CMSS1: variants seen among roughly 807,000 people sequenced by gnomAD.
The protein encoded by CMSS1 is cms1 ribosomal small subunit homolog.
In CMSS1, 33 loss-of-function variants were observed where a neutral mutation model predicts 43.5. The observed-to-expected ratio is 0.76, with a 90% CI of 0.57 to 1.01. The LOEUF is 1.01. CMSS1 is among the 50% of genes least tolerant of loss of function. The probability of loss-of-function intolerance (pLI) is 0.00; values close to 1 mark genes in which losing one functional copy is unlikely to be tolerated. For synonymous variants in CMSS1, 115 were observed against 117.2 expected (o/e 0.98, Z 0.12); for missense variants, 313 against 326.4 (o/e 0.96, Z 0.32).
intron 1 of CMSS1, among the ~76,000 whole-genome samples, chr3:99,897,876 A>G (rs1036601707): frequency 6.6e-6 from 1 of 152,228 alleles, no homozygotes; most frequent in Non-Finnish European, 1.5e-5. Flanking sequence ...GGTAAAACAA[A>G]TGACCACGAA....
At chr3:100,044,440 G>A (rs2065250006) in intron 1 of CMSS1, among the ~76,000 whole-genome samples, 1 of 152,202 alleles carries the variant, frequency 6.6e-6, no homozygotes, top group Non-Finnish European at 1.5e-5. Flanking sequence ...CTCAAAGAAT[G>A]AGTAGGAGTT....
chr3:99,954,612 G>C (rs1708266724), intron 1 of CMSS1, among the ~76,000 whole-genome samples: 1 of 152,040 alleles, frequency 6.6e-6, no homozygotes, highest in Admixed American at 6.6e-5. Context: ...GATTACTTAA[G>C]GTCAGGAGTT....
chr3:100,026,178 A>G (rs1025057654), intron 1 of CMSS1, among the ~76,000 whole-genome samples: 4 of 152,200 alleles, frequency 2.6e-5, no homozygotes, highest in Non-Finnish European at 5.9e-5. Context: ...CTGGAAGAGT[A>G]GGCTGTAGCA....
intron 1 of CMSS1, chr3:100,011,636 G>A (rs1338612076): frequency 6.6e-6 from 1 of 152,132 alleles, no homozygotes; most frequent in Non-Finnish European, 1.5e-5. Flanking sequence ...ATGAAGCAGT[G>A]GATAGGATGT....
Position 99,955,129 on chromosome 3 carries a change from G to A in CMSS1, c.64+137086G>A, listed in dbSNP as rs376021357. Among the ~76,000 whole-genome samples the A allele has an allele frequency of 5.9e-5, 9 of 152,310 alleles. No homozygotes were observed. The East Asian group carries it at 1.5e-3, about 26-fold the overall frequency. On this transcript the variant is annotated intron_variant, in intron 1 of 9. Transcript: ENST00000421999. Reference sequence around the variant, plus strand: ...TAAGTGATTACACAAGTGGTTTCAAGGCCCCTTTCAATTCTATGGCTGTAT... The same window carrying A: ...TAAGTGATTACACAAGTGGTTTCAAAGCCCCTTTCAATTCTATGGCTGTAT...
chr3:99,857,520 ATGTT>A (rs1262071231), intron 1 of CMSS1, among the ~76,000 whole-genome samples: 2 of 152,318 alleles, frequency 1.3e-5, no homozygotes, highest in Admixed American at 6.5e-5. Flanking sequence ...CTGGACAAAT[ATGTT>A]TGTTTATTAC....
chr3:99,829,090 A>G (rs1559647607), intron 1 of CMSS1, among the ~76,000 whole-genome samples: 1 of 152,060 alleles, frequency 6.6e-6, no homozygotes, highest in South Asian at 2.1e-4. Context: ...GGGGAATGGG[A>G]GTTCCTTTAC....
At chr3:100,005,185 G>T (rs1709954085) in intron 1 of CMSS1, among the ~76,000 whole-genome samples, 1 of 152,158 alleles carries the variant, frequency 6.6e-6, no homozygotes, top group Admixed American at 6.5e-5. Context: ...TTTCTTTCCT[G>T]TATTTGTATA....
intron 5 of CMSS1, 53 bp downstream of exon 5, chr3:100,166,447 T>C: frequency 8.0e-7 from 1 of 1,245,248 alleles, no homozygotes. Context: ...TTTGCTCTGG[T>C]TTTGGGAATT....
intron 1 of CMSS1, among the ~76,000 whole-genome samples, chr3:100,058,304 A>T (rs35074168): frequency 0.053 from 8,149 of 152,340 alleles, 322 homozygotes; most frequent in Middle Eastern, 0.085. Flanking sequence ...AGAAACTGTG[A>T]TAAGCTCCTA....
At chr3:100,079,544 G>A (rs569565595) in intron 1 of CMSS1, among the ~76,000 whole-genome samples, 93 of 152,136 alleles carry the variant, frequency 6.1e-4, no homozygotes, top group Non-Finnish European at 1.2e-3. Flanking sequence ...CAGCAAAAAA[G>A]TAGATTTTTT....
At chr3:100,076,094 A>C (rs1244088479) in intron 1 of CMSS1, among the ~76,000 whole-genome samples, 1 of 152,172 alleles carries the variant, frequency 6.6e-6, no homozygotes, top group African/African-American at 2.4e-5. Context: ...CTGGAAACTC[A>C]CTGTTTCATC....
At chr3:100,076,354 A>C (rs2065850514) in intron 1 of CMSS1, among the ~76,000 whole-genome samples, 1 of 152,214 alleles carries the variant, frequency 6.6e-6, no homozygotes, top group Non-Finnish European at 1.5e-5. Context: ...CCAGGTGCTT[A>C]CACTTTTGGA....
chr3:99,858,195 G>C (rs1324611747), intron 1 of CMSS1, among the ~76,000 whole-genome samples: 1 of 152,212 alleles, frequency 6.6e-6, no homozygotes, highest in Non-Finnish European at 1.5e-5. Context: ...GCCAGATGCA[G>C]TGGCTCACAC....
intron 1 of CMSS1, among the ~76,000 whole-genome samples, chr3:100,015,074 G>T (rs911105166): frequency 6.6e-6 from 1 of 150,668 alleles, no homozygotes. Context: ...TTTGTGTATT[G>T]TACGAGATAA....
At chr3:99,867,237 G>C (rs1167667168) in intron 1 of CMSS1, among the ~76,000 whole-genome samples, 1 of 152,130 alleles carries the variant, frequency 6.6e-6, no homozygotes, top group Non-Finnish European at 1.5e-5. Context: ...CCCTGAGCAG[G>C]AGTTTCACCC....
intron 1 of CMSS1, among the ~76,000 whole-genome samples, chr3:100,026,225 C>A (rs2064918273): frequency 6.6e-6 from 1 of 151,972 alleles, no homozygotes; most frequent in Non-Finnish European, 1.5e-5. Context: ...AATACTTTGT[C>A]AAAAATGCCC....
intron 1 of CMSS1, among the ~76,000 whole-genome samples, chr3:100,122,185 G>A (rs1383450378): frequency 6.6e-6 from 1 of 152,212 alleles, no homozygotes; most frequent in African/African-American, 2.4e-5. Context: ...ATTGGAGAAA[G>A]ACTGCTGTTC....
At chr3:99,955,147 G>T (rs887387479) in intron 1 of CMSS1, among the ~76,000 whole-genome samples, 6 of 152,166 alleles carry the variant, frequency 3.9e-5, no homozygotes, top group African/African-American at 1.4e-4. Context: ...TCAATTCTAT[G>T]GCTGTATCAT....
Sources: allele counts gnomAD v4.1 joint callset (sites outside exome capture counted in the v4.1 genomes callset), GRCh38; gene constraint gnomAD v4.1.1; transcripts MANE v1.5; gene names NCBI Gene and HGNC (gene_info 2026-07-23, HGNC 2026-07-21).